The following RABGAP1L variants were observed in gnomAD, a reference collection of about 807,000 sequenced individuals.
RABGAP1L encodes the protein RAB GTPase activating protein 1 like.
In RABGAP1L, 63 loss-of-function variants were observed where a neutral mutation model predicts 137.7. The observed-to-expected ratio is 0.46, with a 90% CI of 0.37 to 0.56. The LOEUF (loss-of-function observed/expected upper bound fraction) is 0.56. RABGAP1L is among the 20% of genes least tolerant of loss of function. RABGAP1L has a pLI of 0.00. For missense variants in RABGAP1L, 1,095 were observed against 1,244.0 expected (o/e 0.88, Z 1.80); for synonymous variants, 431 against 433.7 (o/e 0.99, Z 0.08).
chr1:174,895,296 C>G (rs1656941440), intron 19 of RABGAP1L, among the ~76,000 whole-genome samples: 1 of 152,086 alleles, frequency 6.6e-6, no homozygotes, highest in Admixed American at 6.5e-5. Context: ...TAGTATCCCA[C>G]TATTAAGTGC....
At chr1:174,637,889 A>G (rs944214735) in intron 14 of RABGAP1L, among the ~76,000 whole-genome samples, 3 of 152,218 alleles carry the variant, frequency 2.0e-5, no homozygotes, top group Non-Finnish European at 4.4e-5. Context: ...CTGGCAAATT[A>G]TTGGATGTTG....
chr1:174,542,681 A>G (rs1458017173), intron 13 of RABGAP1L, among the ~76,000 whole-genome samples: 1 of 151,714 alleles, frequency 6.6e-6, no homozygotes, highest in Non-Finnish European at 1.5e-5. Flanking sequence ...TTTAATTGTG[A>G]TGTTAGGGTG....
At chr1:174,207,153 GAAGA>G (rs1203635700) in intron 1 of RABGAP1L, among the ~76,000 whole-genome samples, 1 of 152,026 alleles carries the variant, frequency 6.6e-6, no homozygotes, top group South Asian at 2.1e-4. Context: ...TTTTGCACCT[GAAGA>G]AACATAAAAA....
intron 14 of RABGAP1L, among the ~76,000 whole-genome samples, chr1:174,681,248 C>T (rs1678044113): frequency 1.3e-5 from 2 of 152,122 alleles, no homozygotes; most frequent in Admixed American, 6.5e-5. Flanking sequence ...AATCTGTATC[C>T]ACAAACGCTG....
chr1:174,302,304 G>T (rs1386359151), intron 10 of RABGAP1L, among the ~76,000 whole-genome samples: 2 of 152,142 alleles, frequency 1.3e-5, no homozygotes, highest in African/African-American at 4.8e-5. Flanking sequence ...AGCACAAAAT[G>T]ATAACAAGAA....
At chr1:174,174,259 A>C (rs1665658593) in intron 1 of RABGAP1L, among the ~76,000 whole-genome samples, 1 of 152,032 alleles carries the variant, frequency 6.6e-6, no homozygotes, top group African/African-American at 2.4e-5. Context: ...AGATAATACA[A>C]GGAAAACATC....
chr1:174,444,562 A>G (rs982627145), intron 13 of RABGAP1L, among the ~76,000 whole-genome samples: 2 of 152,104 alleles, frequency 1.3e-5, no homozygotes, highest in Non-Finnish European at 2.9e-5. Flanking sequence ...CAGTGAAGCC[A>G]TCAAGTTCTG....
intron 13 of RABGAP1L, among the ~76,000 whole-genome samples, chr1:174,598,115 G>T (rs561386377): frequency 2.0e-5 from 3 of 152,210 alleles, no homozygotes; most frequent in Admixed American, 1.3e-4. Flanking sequence ...CAGATCACGA[G>T]GTCAGGAGAT....
At chr1:174,880,196 G>A (rs1050940420) in intron 19 of RABGAP1L, among the ~76,000 whole-genome samples, 2 of 152,018 alleles carry the variant, frequency 1.3e-5, no homozygotes, top group African/African-American at 2.4e-5. Context: ...TATATTATAT[G>A]AAGATTATTG....
intron 10 of RABGAP1L, among the ~76,000 whole-genome samples, chr1:174,282,429 A>G (rs1240547392): frequency 6.6e-6 from 1 of 152,128 alleles, no homozygotes; most frequent in African/African-American, 2.4e-5. Context: ...AATCATTCAT[A>G]TATCTTCTTT....
At chr1:174,490,498 C>A (rs947979950) in intron 13 of RABGAP1L, among the ~76,000 whole-genome samples, 1 of 152,136 alleles carries the variant, frequency 6.6e-6, no homozygotes, top group African/African-American at 2.4e-5. Context: ...GTGGTTACCA[C>A]CACTGGGATT....
chr1:174,576,092 T>C (rs1376360392), intron 13 of RABGAP1L, among the ~76,000 whole-genome samples: 1 of 152,202 alleles, frequency 6.6e-6, no homozygotes, highest in African/African-American at 2.4e-5. Context: ...AGTCTTTCCG[T>C]AACCTATGAT....
intron 13 of RABGAP1L, among the ~76,000 whole-genome samples, chr1:174,531,764 T>G: frequency 1.3e-5 from 2 of 148,632 alleles, no homozygotes; most frequent in Admixed American, 6.7e-5. Context: ...GGGGGGAAGA[T>G]ATACCAAAAC....
At chr1:174,247,620 TTC>T (rs1458619181) in intron 5 of RABGAP1L, among the ~76,000 whole-genome samples, 1 of 152,200 alleles carries the variant, frequency 6.6e-6, no homozygotes, top group African/African-American at 2.4e-5. Flanking sequence ...GCCCCACATG[TTC>T]CTGGCAACAT....
At chr1:174,927,188 A>G (rs1299808320) in intron 19 of RABGAP1L, among the ~76,000 whole-genome samples, 4 of 152,080 alleles carry the variant, frequency 2.6e-5, no homozygotes, top group African/African-American at 4.8e-5. Context: ...TTAGGTTCAG[A>G]TTGATCATTT....
At chr1:174,181,528 G>A (rs933375074) in intron 1 of RABGAP1L, among the ~76,000 whole-genome samples, 3 of 151,938 alleles carry the variant, frequency 2.0e-5, no homozygotes, top group African/African-American at 7.3e-5. Flanking sequence ...TAGTAGAGAT[G>A]GGGTTTCACC....
intron 13 of RABGAP1L, among the ~76,000 whole-genome samples, chr1:174,553,752 A>G (rs935968700): frequency 6.6e-6 from 1 of 152,312 alleles, no homozygotes; most frequent in Non-Finnish European, 1.5e-5. Flanking sequence ...TGTAATTCCA[A>G]CACTTAGGAA....
At chr1:174,182,186 G>A (rs1666425906) in intron 1 of RABGAP1L, among the ~76,000 whole-genome samples, 1 of 152,076 alleles carries the variant, frequency 6.6e-6, no homozygotes, top group African/African-American at 2.4e-5. Flanking sequence ...AAATAATTTG[G>A]TTTAGCTGTG....
chr1:174,378,900 T>C (rs1043216834), intron 12 of RABGAP1L, among the ~76,000 whole-genome samples: 1 of 128,316 alleles, frequency 7.8e-6, no homozygotes, highest in African/African-American at 3.1e-5. Context: ...GGTTTTCTTC[T>C]AGGGTTTTTA....
Sources: allele counts gnomAD v4.1 joint callset (sites outside exome capture counted in the v4.1 genomes callset), GRCh38; gene constraint gnomAD v4.1.1; transcripts MANE v1.5; gene names NCBI Gene and HGNC (gene_info 2026-07-23, HGNC 2026-07-21).